Variants in IL17REL observed in about 807,000 individuals in gnomAD.
The protein encoded by IL17REL is interleukin-17 receptor E-like protein.
In IL17REL, 36 loss-of-function variants were observed where a neutral mutation model predicts 49.0. That is an observed-to-expected ratio of 0.73 (90% CI 0.56 to 0.97). IL17REL has a LOEUF of 0.97. IL17REL is among the 50% of genes least tolerant of loss of function. The pLI is 0.00. For missense variants in IL17REL, 470 were observed against 453.9 expected (o/e 1.04, Z -0.32); for synonymous variants, 206 against 192.4 (o/e 1.07, Z -0.58).
intron 5 of IL17REL, 56 bp from the exon 8 acceptor site, chr22:49,999,558 G>A: frequency 3.5e-6 from 5 of 1,412,950 alleles, no homozygotes; most frequent in Non-Finnish European, 4.8e-6. Flanking sequence ...GGTGGTCTGG[G>A]GTGGGCGGGA....
At chr22:49,996,904 C>A in intron 12 of IL17REL, 44 bp from the exon 15 acceptor site, 1 of 669,248 alleles carries the variant, frequency 1.5e-6, no homozygotes, top group South Asian at 2.0e-5. Flanking sequence ...TCCTGCTTCC[C>A]CCGGGGATGG....
At position 49,996,981 on chromosome 22, in the gene IL17REL, C is replaced by T. The variant is rs969629161; in HGVS notation, c.*44+13G>A. 3.6e-6 allele frequency: 5 copies of T among 1,402,840 alleles called. No homozygotes were observed. The Admixed American group carries it at 1.2e-4, about 33-fold the overall frequency. The allele number at this position is 1,402,840 out of a possible 1,614,324, so 86.9% of individuals were successfully genotyped here. The stretch of plus-strand genomic sequence containing the variant: ...GGAGATGGCTAGGGGCTGGGCACAG[C>T]AGCGACACCCACCTGGATGCAGATG... On this transcript the variant is annotated intron_variant, in intron 12 of 12. Transcript: ENST00000341280.
At chr22:50,010,769 A>ACGGGGAG (rs1357349683), upstream of IL17REL, among the ~76,000 whole-genome samples, 3 of 136,400 alleles carry the variant, frequency 2.2e-5, no homozygotes, top group African/African-American at 9.5e-5. Context: ...GCCCCACGGC[A>ACGGGGAG]CGGGGAGCGG....
exon 7 of IL17REL, chr22:49,999,330 G>A (rs778002617): frequency 6.2e-7 from 1 of 1,612,984 alleles, no homozygotes; most frequent in Non-Finnish European, 8.5e-7. Context: ...ACCGCGTCAG[G>A]GGTCGCAGAC....
downstream of IL17REL, among the ~76,000 whole-genome samples, chr22:49,992,297 A>G (rs2061010365): frequency 6.6e-6 from 1 of 152,170 alleles, no homozygotes; most frequent in Non-Finnish European, 1.5e-5. Flanking sequence ...TGCCCTCCAC[A>G]AGCTGACTCT....
At chr22:49,993,371 C>T (rs964155325), downstream of IL17REL, among the ~76,000 whole-genome samples, 2 of 152,170 alleles carry the variant, frequency 1.3e-5, no homozygotes, top group Admixed American at 6.5e-5. The surrounding 1 kb of genome is among the most constrained non-coding windows in gnomAD (Gnocchi z 6.0). Context: ...TTCTGGGGCC[C>T]GGGGTCCTCA....
intron 7 of IL17REL, among the ~76,000 whole-genome samples, chr22:49,998,913 A>G (rs2146743213): frequency 1.4e-5 from 2 of 147,960 alleles, no homozygotes; most frequent in South Asian, 2.2e-4. Flanking sequence ...ATGGGCGTGT[A>G]TGTTCATGGG....
chr22:50,002,498 T>TTC (rs1555948938), intron 1 of IL17REL, among the ~76,000 whole-genome samples: 3 of 102,258 alleles, frequency 2.9e-5, no homozygotes, highest in South Asian at 3.4e-4. Flanking sequence ...TTCTTTTCTT[T>TTC]TTTTTTTTTT....
intron 1 of IL17REL, among the ~76,000 whole-genome samples, chr22:50,005,089 G>A (rs968479157): frequency 2.6e-5 from 4 of 151,704 alleles, no homozygotes; most frequent in African/African-American, 2.4e-5. Flanking sequence ...GCTGCTCATT[G>A]TGAAATAAAA....
At position 50,000,032 on chromosome 22, in the gene IL17REL, T is replaced by G. The variant is rs2061068734; in HGVS notation, c.335-65A>C. 2.2e-6 allele frequency: 3 copies of G among 1,393,606 alleles called. No homozygotes were observed. The East Asian group carries it at 8.9e-5, about 41-fold the overall frequency. 86.3% of individuals were successfully genotyped at this position (1,393,606 alleles called of 1,614,324 possible). The stretch of plus-strand genomic sequence containing the variant: ...GGTCACCGACGCGGGGCTCTGTCTG[T>G]CCCGAGAGCCCCGACGTGGTGGCTC... On this transcript the variant is annotated intron_variant, in intron 4 of 12. Coordinates refer to ENST00000341280, the Ensembl canonical transcript of IL17REL.
Position 49,998,120 on chromosome 22 carries a change from G to A in IL17REL, c.774+17C>T, listed in dbSNP as rs758559560. Reference sequence around the variant, plus strand: ...GGCATCCATGCCCACCCCCATCCCTGCTGAGCAGGCACTCACTCTGCGATG... The same window carrying A: ...GGCATCCATGCCCACCCCCATCCCTACTGAGCAGGCACTCACTCTGCGATG... On this transcript the variant is annotated intron_variant, in intron 8 of 12. Transcript: ENST00000341280. 6.9e-6 allele frequency: 11 copies of A among 1,598,050 alleles called. No homozygotes were observed. The Admixed American group carries it at 1.9e-4, about 28-fold the overall frequency.
At position 49,999,639 on chromosome 22, in the gene IL17REL, G is replaced by T. The variant is rs2061062752; in HGVS notation, c.475-137C>A. ...CTAGGCCTGGCCGGGGGCGGGGCGCGGAGGTGGGTGGGGCCCAGGCCTGGC... is the reference window on the plus strand; with the variant it reads ...CTAGGCCTGGCCGGGGGCGGGGCGCTGAGGTGGGTGGGGCCCAGGCCTGGC... On this transcript the variant is annotated intron_variant, in intron 5 of 12. Coordinates refer to ENST00000341280, the Ensembl canonical transcript of IL17REL. 15 of 584,516 alleles carry T rather than the reference G, an allele frequency of 2.6e-5. No individual in the cohort carries two copies. The South Asian group carries it at 2.7e-4, about 11-fold the overall frequency. 36.2% of individuals were successfully genotyped at this position (584,516 alleles called of 1,614,324 possible). A position where few individuals can be genotyped will look rare whatever the true frequency, so the allele number is the denominator to read the frequency against.
In IL17REL at chr22:49,995,031, G is replaced by A. The variant is rs191940619; in HGVS notation, c.*1874C>T. 6.8e-3 allele frequency: 1,037 copies of A among 152,586 alleles called. 18 individuals carry two copies. The highest frequency in any genetic ancestry group is 0.024 in the African/African-American group (1,005 of 41,566). 9.5% of individuals were successfully genotyped at this position (152,586 alleles called of 1,614,324 possible). ...TCTGGGGAAGCTGAGACCCTCTGGA[G>A]GGGTCCGAGTGGGGCGGGTGCCCCA... On this transcript the variant is annotated 3_prime_UTR_variant, in exon 13 of 13. Transcript: ENST00000341280.
At chr22:50,000,040 GC>G in intron 4 of IL17REL, 73 bp from the exon 7 acceptor site, 1 of 1,378,152 alleles carries the variant, frequency 7.3e-7, no homozygotes, top group Non-Finnish European at 9.5e-7. Flanking sequence ...TGTCCCGAGA[GC>G]CCCGACGTGG....
exon 9 of IL17REL, chr22:49,998,048 T>C (rs1273319473): frequency 6.3e-7 from 1 of 1,593,154 alleles, no homozygotes; most frequent in South Asian, 1.1e-5. Flanking sequence ...TGGGGCTGGG[T>C]GTCCACCAGC....
In IL17REL at chr22:50,002,495, CTTTTT is replaced by C. The variant is rs398040533; in HGVS notation, c.-41-1269_-41-1265del. Among the ~76,000 whole-genome samples, 16 of 127,904 alleles carry C rather than the reference CTTTTT, an allele frequency of 1.3e-4. No individual in the cohort carries two copies. In the East Asian group the frequency reaches 2.2e-3, roughly 18 times the overall value. 83.9% of individuals were successfully genotyped at this position (127,904 alleles called of 152,430 possible). ...GAAATCCAACTCTTTCTTTTCTTTT[CTTTTT>C]TTTTTTTTTTTTTTGAGACAGTCCC... On this transcript the variant is annotated intron_variant, in intron 1 of 12. Transcript: ENST00000341280.
intron 4 of IL17REL, 95 bp from the exon 7 acceptor site, chr22:50,000,062 T>C: frequency 7.5e-7 from 1 of 1,341,264 alleles, no homozygotes; most frequent in Admixed American, 3.3e-5. Flanking sequence ...TGGCTCCTGC[T>C]GGGTTCAGAC....
upstream of IL17REL, among the ~76,000 whole-genome samples, chr22:50,010,905 C>CG (rs896887029): frequency 1.3e-5 from 2 of 151,314 alleles, no homozygotes; most frequent in Admixed American, 6.6e-5. Context: ...CGGCCGGCGT[C>CG]GGGGGGTGTG....
intron 3 of IL17REL, 70 bp downstream of exon 4, chr22:50,000,683 AG>A (rs1448052755): frequency 6.5e-7 from 1 of 1,546,448 alleles, no homozygotes; most frequent in Non-Finnish European, 8.9e-7. Context: ...GCTTAGAGCC[AG>A]GGATGGCGCC....
Sources: gnomAD v4.1 joint callset for allele counts (sites outside exome capture counted in the v4.1 genomes callset) on GRCh38, gnomAD v4.1.1 for gene constraint, Gnocchi (gnomAD v3.1) non-coding constraint, MANE v1.5 for transcripts, NCBI Gene and HGNC (gene_info 2026-07-23, HGNC 2026-07-21) for gene names.